NTNG1: variants seen among roughly 807,000 people sequenced by gnomAD.
The protein encoded by NTNG1 is netrin G1.
A neutral mutation model predicts 54.0 loss-of-function variants in NTNG1; 16 were observed. That is an observed-to-expected ratio of 0.30 (90% CI 0.20 to 0.45). NTNG1 has a LOEUF of 0.45. Among genes scored for constraint, NTNG1 ranks in the 20% least tolerant of loss-of-function variants. NTNG1 has a pLI of 1.00. For synonymous variants in NTNG1, 255 were observed against 263.1 expected (o/e 0.97, Z 0.30); for missense variants, 530 against 678.7 (o/e 0.78, Z 2.43).
intron 2 of NTNG1, among the ~76,000 whole-genome samples, chr1:107,196,067 C>G (rs1295015519): frequency 6.6e-6 from 1 of 151,992 alleles, no homozygotes; most frequent in African/African-American, 2.4e-5. Flanking sequence ...AACCCAGGGC[C>G]TGGCACATAG....
At chr1:107,161,912 G>A (rs960158189) in intron 2 of NTNG1, among the ~76,000 whole-genome samples, 6 of 148,354 alleles carry the variant, frequency 4.0e-5, no homozygotes, top group African/African-American at 1.5e-4. Context: ...TTTTGATTTT[G>A]GATTTTTTTA....
chr1:107,295,883 T>C (rs1013449112), intron 2 of NTNG1, among the ~76,000 whole-genome samples: 1 of 152,162 alleles, frequency 6.6e-6, no homozygotes, highest in African/African-American at 2.4e-5. Context: ...TTTTAATATC[T>C]TTGTGCACTA....
intron 7 of NTNG1, among the ~76,000 whole-genome samples, chr1:107,467,795 A>G (rs936394604): frequency 4.6e-5 from 7 of 152,234 alleles, no homozygotes; most frequent in African/African-American, 1.7e-4. Context: ...GTATTTTAAG[A>G]AATTTAAATG....
At chr1:107,462,245 T>C (rs12064508) in intron 7 of NTNG1, among the ~76,000 whole-genome samples, 3,752 of 152,278 alleles carry the variant, frequency 0.025, 167 homozygotes, top group African/African-American at 0.086. Context: ...AGTAATAGCA[T>C]TCACAGCATT....
At chr1:107,448,205 G>C (rs1676417350) in intron 7 of NTNG1, among the ~76,000 whole-genome samples, 1 of 152,010 alleles carries the variant, frequency 6.6e-6, no homozygotes, top group Non-Finnish European at 1.5e-5. Flanking sequence ...CAATGTTCTG[G>C]TTTAGCCACT....
At chr1:107,298,395 A>G (rs763600537) in intron 2 of NTNG1, among the ~76,000 whole-genome samples, 8 of 152,082 alleles carry the variant, frequency 5.3e-5, no homozygotes, top group Non-Finnish European at 1.2e-4. Flanking sequence ...CAACGAAGCA[A>G]CTCTAGTATT....
chr1:107,327,978 T>C (rs1239619895), intron 3 of NTNG1, among the ~76,000 whole-genome samples: 1 of 152,130 alleles, frequency 6.6e-6, no homozygotes, highest in African/African-American at 2.4e-5. Flanking sequence ...AGCATTTATG[T>C]TCTTTTTGGA....
intron 4 of NTNG1, 122 bp from the exon 5 acceptor site, chr1:107,407,560 T>A: frequency 1.4e-6 from 1 of 716,812 alleles, no homozygotes; most frequent in South Asian, 1.9e-5. Context: ...GTGTGTGTGC[T>A]AATTTCTTAA....
At chr1:107,193,901 C>T (rs893292640) in intron 2 of NTNG1, among the ~76,000 whole-genome samples, 3 of 151,618 alleles carry the variant, frequency 2.0e-5, no homozygotes, top group African/African-American at 7.3e-5. Flanking sequence ...TGTCTCTCTC[C>T]TCCTTAAATG....
chr1:107,386,139 A>ATACACATATATATACT (rs1671963492), intron 3 of NTNG1, among the ~76,000 whole-genome samples: 7 of 101,946 alleles, frequency 6.9e-5, no homozygotes, highest in African/African-American at 2.1e-4. Context: ...ATGTATATAT[A>ATACACATATATATACT]TATATGTGTG....
chr1:107,180,943 C>A (rs1657012975), intron 2 of NTNG1, among the ~76,000 whole-genome samples: 1 of 152,162 alleles, frequency 6.6e-6, no homozygotes, highest in Non-Finnish European at 1.5e-5. Context: ...AAAGATTTAA[C>A]CTTTGTTGCT....
At chr1:107,313,474 A>T (rs1191549081) in intron 2 of NTNG1, among the ~76,000 whole-genome samples, 2 of 152,178 alleles carry the variant, frequency 1.3e-5, no homozygotes, top group Non-Finnish European at 2.9e-5. Context: ...TCACCTGAGA[A>T]ATCATATCTG....
chr1:107,192,869 G>A (rs1449794265), intron 2 of NTNG1, among the ~76,000 whole-genome samples: 1 of 151,912 alleles, frequency 6.6e-6, no homozygotes, highest in African/African-American at 2.4e-5. Context: ...TCTGAATAAT[G>A]GAAGTTAAGA....
At chr1:107,313,591 G>C (rs1000882130) in intron 2 of NTNG1, among the ~76,000 whole-genome samples, 5 of 151,986 alleles carry the variant, frequency 3.3e-5, no homozygotes, top group Non-Finnish European at 5.9e-5. Context: ...GAGGCCAAAG[G>C]GTGAGAAGAC....
At chr1:107,240,863 A>T (rs1012824041) in intron 2 of NTNG1, among the ~76,000 whole-genome samples, 4 of 152,212 alleles carry the variant, frequency 2.6e-5, no homozygotes, top group Non-Finnish European at 5.9e-5. Flanking sequence ...TTCTCAGTTA[A>T]TCAGAAATTA....
In NTNG1 at chr1:107,436,799, C is replaced by T. The variant is rs756437964; in HGVS notation, c.1390C>T (p.Pro464Ser). The change falls in exon 7 of 8, where the codon CCG (proline) becomes TCG (serine). Residue 464 changes from proline to serine, a missense_variant and splice_region_variant. Around this residue, in one of 2 missense-constraint regions of NTNG1, gnomAD observed 212 missense variants for 213.6 expected, o/e 0.99. Coordinates refer to ENST00000370068, the MANE Select transcript of NTNG1 (RefSeq NM_001113226.3). The part of the protein sequence containing the change: ...PGNSWHYGCQ[P>S]NVCDNELLHC... Reference sequence around the variant, plus strand: ...AAATTCCTGGCACTACGGCTGTCAACGTAAGTAACTCTGGGAGCTGCCCTC... The same window carrying T: ...AAATTCCTGGCACTACGGCTGTCAATGTAAGTAACTCTGGGAGCTGCCCTC... 81 of 1,613,012 alleles carry T rather than the reference C, an allele frequency of 5.0e-5. No homozygotes were observed. Among genetic ancestry groups the T allele is most frequent in the Admixed American group, 1.3e-4 (8 of 59,940 alleles).
intron 2 of NTNG1, among the ~76,000 whole-genome samples, chr1:107,276,406 G>T (rs1664476931): frequency 6.6e-6 from 1 of 151,926 alleles, no homozygotes; most frequent in South Asian, 2.1e-4. Context: ...CCACATACTT[G>T]CCTCCCCTCC....
At chr1:107,441,832 GAT>G (rs913186799) in intron 7 of NTNG1, among the ~76,000 whole-genome samples, 10 of 152,032 alleles carry the variant, frequency 6.6e-5, no homozygotes, top group African/African-American at 2.4e-4. Context: ...TGGGGAAAAA[GAT>G]ATGCAATGAT....
intron 3 of NTNG1, among the ~76,000 whole-genome samples, chr1:107,338,208 G>C (rs1472726404): frequency 6.6e-6 from 1 of 152,002 alleles, no homozygotes; most frequent in Non-Finnish European, 1.5e-5. Context: ...GTTGTGGATA[G>C]AGAAAGGAAG....
Sources: gnomAD v4.1 joint callset for allele counts (sites outside exome capture counted in the v4.1 genomes callset) on GRCh38, gnomAD v4.1.1 for gene constraint, gnomAD v4.1.1 regional missense constraint, MANE v1.5 for transcripts, NCBI Gene and HGNC (gene_info 2026-07-23, HGNC 2026-07-21) for gene names.